Variants in FAM168A observed in about 807,000 individuals in gnomAD.
FAM168A encodes the protein protein FAM168A.
FAM168A carries 3 observed loss-of-function variants against 28.5 expected under a neutral mutation model. The observed-to-expected ratio is 0.11, with a 90% confidence interval of 0.05 to 0.27. The LOEUF (loss-of-function observed/expected upper bound fraction) is 0.27, where lower values mean the gene tolerates loss of function less well. Among genes scored for constraint, FAM168A ranks in the 10% least tolerant of loss-of-function variants. FAM168A has a pLI of 1.00. For synonymous variants in FAM168A, 122 were observed against 124.2 expected, an observed-to-expected ratio of 0.98 and a Z score of 0.12; for missense variants, 222 against 311.5, an observed-to-expected ratio of 0.71 and a Z score of 2.16.
At chr11:73,531,722 G>C (rs1590837125) in intron 1 of FAM168A, among the ~76,000 whole-genome samples, 3 of 150,896 alleles carry the variant, frequency 2.0e-5, no homozygotes, top group African/African-American at 4.9e-5. Flanking sequence ...TGCATATACT[G>C]TTTTCTCTGC....
intron 1 of FAM168A, among the ~76,000 whole-genome samples, chr11:73,557,826 C>T (rs1009117274): frequency 1.3e-5 from 2 of 152,152 alleles, no homozygotes; most frequent in Non-Finnish European, 2.9e-5. Context: ...GGTATATAGA[C>T]CAATGGAACA....
intron 2 of FAM168A, among the ~76,000 whole-genome samples, chr11:73,434,694 C>G (rs1233631083): frequency 6.6e-6 from 1 of 152,186 alleles, no homozygotes; most frequent in Non-Finnish European, 1.5e-5. Flanking sequence ...GACTTCTATT[C>G]TGAGTGAAAT....
chr11:73,462,772 G>A (rs940255031), intron 2 of FAM168A, among the ~76,000 whole-genome samples: 6 of 151,932 alleles, frequency 3.9e-5, no homozygotes, highest in Non-Finnish European at 8.8e-5. Context: ...GCTGAGGCAG[G>A]AGAATTGCTT....
intron 3 of FAM168A, 125 bp from the exon 4 acceptor site, chr11:73,420,124 T>A: frequency 8.8e-7 from 1 of 1,131,856 alleles, no homozygotes. Context: ...TTCAGACACA[T>A]GGGATGGTCA....
intron 2 of FAM168A, among the ~76,000 whole-genome samples, chr11:73,435,855 C>G (rs1024207343): frequency 2.6e-5 from 4 of 152,200 alleles, no homozygotes; most frequent in African/African-American, 9.6e-5. Flanking sequence ...TTCATTTGAG[C>G]CTCAAATCAA....
chr11:73,519,609 T>G (rs528078747), intron 1 of FAM168A, among the ~76,000 whole-genome samples: 5 of 152,102 alleles, frequency 3.3e-5, no homozygotes, highest in Non-Finnish European at 7.4e-5. Flanking sequence ...GAGGAGTAGT[T>G]AGCCATGATG....
chr11:73,513,892 T>G (rs1855277378), intron 1 of FAM168A, among the ~76,000 whole-genome samples: 1 of 152,140 alleles, frequency 6.6e-6, no homozygotes, highest in Non-Finnish European at 1.5e-5. Context: ...ATCTTTAAAA[T>G]GGAGGTAGTG....
At chr11:73,511,947 GCTAT>G (rs1336933113) in intron 1 of FAM168A, among the ~76,000 whole-genome samples, 5 of 152,254 alleles carry the variant, frequency 3.3e-5, no homozygotes, top group Admixed American at 2.0e-4. Flanking sequence ...GTATGATCTA[GCTAT>G]CTATTAGTAT....
chr11:73,551,655 G>A (rs1015195644), intron 1 of FAM168A, among the ~76,000 whole-genome samples: 20 of 152,206 alleles, frequency 1.3e-4, no homozygotes, highest in Non-Finnish European at 2.9e-4. Context: ...TGCAACAAGT[G>A]TAAACAATTT....
chr11:73,595,051 T>TG (rs1944428534), intron 1 of FAM168A, among the ~76,000 whole-genome samples: 2 of 151,970 alleles, frequency 1.3e-5, no homozygotes, highest in South Asian at 4.1e-4. Flanking sequence ...ACCACGGCTG[T>TG]GGAAAAAAAA....
chr11:73,484,835 C>T (rs1400788363), intron 1 of FAM168A, among the ~76,000 whole-genome samples: 1 of 151,484 alleles, frequency 6.6e-6, no homozygotes, highest in Non-Finnish European at 1.5e-5. Flanking sequence ...AGCAAGGAAG[C>T]CAGTCCAAGT....
intron 1 of FAM168A, among the ~76,000 whole-genome samples, chr11:73,594,994 G>C (rs934195876): frequency 1.3e-5 from 2 of 152,008 alleles, no homozygotes; most frequent in Admixed American, 1.3e-4. Flanking sequence ...ATATCGGGAG[G>C]ATCAAATGAG....
intron 2 of FAM168A, among the ~76,000 whole-genome samples, chr11:73,460,318 C>T (rs909371472): frequency 2.6e-5 from 4 of 152,116 alleles, no homozygotes; most frequent in Non-Finnish European, 4.4e-5. Flanking sequence ...TTTCCTCAAA[C>T]CCATCTCATA....
At chr11:73,539,521 G>A (rs994600131) in intron 1 of FAM168A, among the ~76,000 whole-genome samples, 8 of 152,004 alleles carry the variant, frequency 5.3e-5, no homozygotes, top group African/African-American at 1.2e-4. Flanking sequence ...CACCCGCCTC[G>A]GCCTCCCAGC....
intron 6 of FAM168A, among the ~76,000 whole-genome samples, chr11:73,409,250 C>CT (rs1866563803): frequency 6.6e-6 from 1 of 152,174 alleles, no homozygotes; most frequent in Admixed American, 6.5e-5. Flanking sequence ...ACCCTTCCCT[C>CT]TTTCACTTCT....
chr11:73,571,482 G>T (rs1416363146), intron 1 of FAM168A, among the ~76,000 whole-genome samples: 2 of 151,932 alleles, frequency 1.3e-5, no homozygotes, highest in Admixed American at 1.3e-4. Context: ...TCCTAACCGC[G>T]AGTGATCCGC....
intron 5 of FAM168A, 77 bp downstream of exon 5, chr11:73,411,317 T>C: frequency 6.7e-7 from 1 of 1,482,832 alleles, no homozygotes; most frequent in Non-Finnish European, 9.0e-7. Context: ...CCTCACTTCC[T>C]CACCCTACCC....
In FAM168A at chr11:73,419,931, G is replaced by A. The variant is rs773021874; in HGVS notation, c.220C>T (p.Leu74Phe). The change falls in exon 4 of 8, where the codon CTC (leucine) becomes TTC (phenylalanine). Residue 74 changes from leucine to phenylalanine, a missense_variant. By Grantham distance (22) the Leu-to-Phe change is conservative. Coordinates refer to ENST00000356467, the MANE Select transcript of FAM168A (RefSeq NM_015159.3). ...SSCGTEGTFH[L>F]PVDTGTENRT... ...TTCTCGGTCCCGGTGTCCACTGGGA[G>A]GTGGAAGGTGCCTTCAGTGCCACAG... The A allele has an allele frequency of 3.1e-6, 5 of 1,613,816 alleles. No homozygotes were observed. Among genetic ancestry groups the A allele is most frequent in the Non-Finnish European group, 2.5e-6 (3 of 1,179,860 alleles).
intron 2 of FAM168A, among the ~76,000 whole-genome samples, chr11:73,451,615 T>C (rs1394110556): frequency 6.6e-6 from 1 of 152,220 alleles, no homozygotes; most frequent in African/African-American, 2.4e-5. Context: ...ATTTTTACTG[T>C]ACCTTTTCTA....
Sources: allele counts gnomAD v4.1 joint callset (sites outside exome capture counted in the v4.1 genomes callset), GRCh38; gene constraint gnomAD v4.1.1; transcripts MANE v1.5; gene names NCBI Gene and HGNC (gene_info 2026-07-23, HGNC 2026-07-21).